Variants in FSD1L observed in about 807,000 individuals in gnomAD.
FSD1L encodes fibronectin type III and SPRY domain containing 1 like.
In FSD1L, 45 loss-of-function variants were observed where a neutral mutation model predicts 71.6. The observed-to-expected ratio is 0.63, with a 90% CI of 0.49 to 0.81. FSD1L has a LOEUF of 0.81. FSD1L is among the 30% of genes least tolerant of loss of function. The pLI is 0.00. For synonymous variants in FSD1L, 197 were observed against 207.2 expected, an observed-to-expected ratio of 0.95 and a Z score of 0.42; for missense variants, 561 against 618.1, an observed-to-expected ratio of 0.91 and a Z score of 0.98.
At chr9:105,457,757 G>C (rs929869086) in intron 1 of FSD1L, among the ~76,000 whole-genome samples, 1 of 152,246 alleles carries the variant, frequency 6.6e-6, no homozygotes, top group Non-Finnish European at 1.5e-5. Context: ...CAGGCATGGA[G>C]CAGTGAGGGG....
chr9:105,456,772 T>C (rs1830383551), intron 1 of FSD1L, among the ~76,000 whole-genome samples: 1 of 152,278 alleles, frequency 6.6e-6, no homozygotes, highest in African/African-American at 2.4e-5. Flanking sequence ...TTATCTCATA[T>C]ATTTTACTAT....
At chr9:105,513,235 C>T (rs2131380884) in intron 10 of FSD1L, among the ~76,000 whole-genome samples, 1 of 151,956 alleles carries the variant, frequency 6.6e-6, no homozygotes, top group Middle Eastern at 3.4e-3. Flanking sequence ...TAGTATAATT[C>T]CTGAATTTTA....
Position 105,479,208 on chromosome 9 carries a change from A to T in FSD1L, c.442-146A>T, listed in dbSNP as rs1001947920. The T allele has an allele frequency of 4.8e-6, 3 of 621,906 alleles. 1 individual carries two copies. In the Admixed American group the frequency reaches 9.1e-5, roughly 19 times the overall value. The allele number at this position is 621,906 out of a possible 1,614,324, so 38.5% of individuals were successfully genotyped here. On this transcript the variant is annotated intron_variant, in intron 5 of 13. Transcript: ENST00000481272. ...GAAAGCTTATGTGAACTATACACAT[A>T]AATTTTCTATAGTTTGTGTTTTGGT...
chr9:105,459,717 G>C (rs1830570403), intron 1 of FSD1L, among the ~76,000 whole-genome samples: 1 of 152,186 alleles, frequency 6.6e-6, no homozygotes, highest in South Asian at 2.1e-4. Context: ...TCTGCAGCCA[G>C]GTTTACTAAT....
chr9:105,511,953 ATTAG>A (rs1315755595), intron 9 of FSD1L, among the ~76,000 whole-genome samples: 2 of 152,130 alleles, frequency 1.3e-5, no homozygotes, highest in African/African-American at 4.8e-5. Context: ...TAACAGGCAG[ATTAG>A]TTAGTAACTG....
Position 105,461,513 on chromosome 9 carries a change from T to C in FSD1L, c.16-7T>C, listed in dbSNP as rs548504006. 26 of 1,499,136 alleles carry C rather than the reference T, an allele frequency of 1.7e-5. No individual in the cohort carries two copies. The highest frequency in any genetic ancestry group is 2.3e-5 in the Non-Finnish European group (26 of 1,108,856). 92.9% of individuals were successfully genotyped at this position (1,499,136 alleles called of 1,614,324 possible). A position where few individuals can be genotyped will look rare whatever the true frequency, so the allele number is the denominator to read the frequency against. On this transcript the variant is annotated splice_region_variant and splice_polypyrimidine_tract_variant and intron_variant, in intron 1 of 13. Coordinates refer to ENST00000481272, the MANE Select transcript of FSD1L (RefSeq NM_001145313.3). The stretch of plus-strand genomic sequence containing the variant: ...CTATTGGCTCCTACTGTATTTATAT[T>C]GGACAGTACTGCTTTAAGGAGAATG...
intron 10 of FSD1L, chr9:105,521,460 TC>T (rs1484433931): frequency 1.9e-6 from 3 of 1,613,654 alleles, no homozygotes; most frequent in Non-Finnish European, 2.5e-6. Flanking sequence ...AGTTTTTTCT[TC>T]TAAAAGGAGT....
chr9:105,517,805 C>G (rs1038976378), intron 10 of FSD1L, among the ~76,000 whole-genome samples: 4 of 152,066 alleles, frequency 2.6e-5, no homozygotes, highest in Non-Finnish European at 4.4e-5. Flanking sequence ...AGTTCACACA[C>G]AACAATATTA....
intron 5 of FSD1L, among the ~76,000 whole-genome samples, chr9:105,478,575 G>A (rs1831968733): frequency 6.6e-6 from 1 of 151,976 alleles, no homozygotes; most frequent in African/African-American, 2.4e-5. Flanking sequence ...AATATAAAAG[G>A]GACAACAGTT....
chr9:105,447,897 G>T, upstream of FSD1L: 1 of 472,410 alleles, frequency 2.1e-6, no homozygotes, highest in South Asian at 2.6e-5. Flanking sequence ...GATGGGGGAA[G>T]GGAGTGCAGC....
chr9:105,453,493 TTG>T lies in FSD1L; in HGVS notation c.15+5275_15+5276del, dbSNP rs146784407. Among the ~76,000 whole-genome samples the T allele has an allele frequency of 2.9e-4, 43 of 150,462 alleles. 1 individual carries two copies. Among genetic ancestry groups the T allele is most frequent in the African/African-American group, 2.2e-4 (9 of 41,094 alleles). The stretch of plus-strand genomic sequence containing the variant: ...CTGGCCTAAAATTACTATTTTTATT[TTG>T]TGTGTGTGTGTGTGTGCGTGTGTGT... On this transcript the variant is annotated intron_variant, in intron 1 of 13. Transcript: ENST00000481272.
chr9:105,504,393 A>G (rs1279958058), intron 7 of FSD1L, among the ~76,000 whole-genome samples: 1 of 152,220 alleles, frequency 6.6e-6, no homozygotes, highest in Non-Finnish European at 1.5e-5. Flanking sequence ...ACAATTACAC[A>G]TGTAGAATTT....
intron 1 of FSD1L, among the ~76,000 whole-genome samples, chr9:105,448,805 TCAATTGTTAGGG>T (rs1188538732): frequency 6.6e-6 from 1 of 152,210 alleles, no homozygotes; most frequent in South Asian, 2.1e-4. Context: ...GGAAAAGACT[TCAATTGTTAGGG>T]CAGCCTTCCC....
At chr9:105,532,551 A>G (rs1453394589) in intron 10 of FSD1L, among the ~76,000 whole-genome samples, 1 of 152,164 alleles carries the variant, frequency 6.6e-6, no homozygotes, top group Non-Finnish European at 1.5e-5. Flanking sequence ...GATCTCAACA[A>G]CTATTCTGGA....
At chr9:105,475,584 C>T (rs1008685659) in intron 5 of FSD1L, among the ~76,000 whole-genome samples, 24 of 152,018 alleles carry the variant, frequency 1.6e-4, no homozygotes, top group African/African-American at 5.3e-4. Flanking sequence ...TCAACAAAAG[C>T]GTGAATGTTT....
At chr9:105,523,267 C>T in intron 10 of FSD1L, 2 of 1,605,178 alleles carry the variant, frequency 1.2e-6, no homozygotes, top group East Asian at 4.5e-5. Context: ...ACTCCTTCCC[C>T]TTCTACATTG....
chr9:105,526,235 A>G, intron 10 of FSD1L: 1 of 1,599,724 alleles, frequency 6.3e-7, no homozygotes, highest in Non-Finnish European at 8.6e-7. Context: ...TTCTATGAGG[A>G]GAGAGCACGA....
At chr9:105,454,746 C>T (rs1830262345) in intron 1 of FSD1L, among the ~76,000 whole-genome samples, 1 of 152,178 alleles carries the variant, frequency 6.6e-6, no homozygotes, top group Non-Finnish European at 1.5e-5. Context: ...GAGATTACCT[C>T]CTCATATGCT....
At chr9:105,522,670 C>G (rs917581521) in intron 10 of FSD1L, 63 of 1,612,196 alleles carry the variant, frequency 3.9e-5, no homozygotes, top group Non-Finnish European at 4.7e-5. Flanking sequence ...GAACCATTCA[C>G]TGTTGAACGA....
Sources: allele counts gnomAD v4.1 joint callset (sites outside exome capture counted in the v4.1 genomes callset), GRCh38; gene constraint gnomAD v4.1.1; transcripts MANE v1.5; gene names NCBI Gene and HGNC (gene_info 2026-07-23, HGNC 2026-07-21).